Variants in TBX20 observed in about 807,000 individuals in gnomAD.
TBX20 encodes T-box transcription factor 20.
In TBX20, 8 loss-of-function variants were observed where a neutral mutation model predicts 42.9. The observed-to-expected ratio is 0.19, with a 90% CI of 0.11 to 0.34. TBX20 has a LOEUF of 0.34. Ranked by LOEUF, TBX20 falls within the 10% of genes least tolerant of loss-of-function variation. The pLI, the probability that TBX20 is intolerant of heterozygous loss-of-function variation, is 1.00. For synonymous variants in TBX20, 198 were observed against 222.8 expected, an observed-to-expected ratio of 0.89 and a Z score of 0.99; for missense variants, 411 against 566.0, an observed-to-expected ratio of 0.73 and a Z score of 2.78.
chr7:35,203,779 GA>G (rs1467584583), intron 7 of TBX20, among the ~76,000 whole-genome samples: 2 of 152,214 alleles, frequency 1.3e-5, no homozygotes, highest in Non-Finnish European at 2.9e-5. Context: ...TGAGTAATAA[GA>G]AATGTCCTAT....
intron 5 of TBX20, among the ~76,000 whole-genome samples, chr7:35,235,397 G>T (rs1337724425): frequency 4.0e-5 from 6 of 151,706 alleles, no homozygotes; most frequent in Admixed American, 6.6e-5. Context: ...GAGGATGCCT[G>T]CAGCTTGTAA....
At chr7:35,251,291 A>T (rs1473118921) in intron 1 of TBX20, among the ~76,000 whole-genome samples, 1 of 152,202 alleles carries the variant, frequency 6.6e-6, no homozygotes, top group Non-Finnish European at 1.5e-5. Flanking sequence ...CATGTACATG[A>T]TGTGTGTGGG....
chr7:35,212,928 T>C (rs2128710840), intron 6 of TBX20, among the ~76,000 whole-genome samples: 1 of 152,294 alleles, frequency 6.6e-6, no homozygotes, highest in South Asian at 2.1e-4. Flanking sequence ...TGAGTGCTTT[T>C]TCCATGCAGC....
intron 4 of TBX20, among the ~76,000 whole-genome samples, chr7:35,244,193 T>C (rs2128715121): frequency 6.6e-6 from 1 of 152,344 alleles, no homozygotes; most frequent in Admixed American, 6.5e-5. Flanking sequence ...TTTATGTGTA[T>C]CTTTATTTAA....
intron 6 of TBX20, among the ~76,000 whole-genome samples, chr7:35,214,008 G>A (rs1789541740): frequency 6.6e-6 from 1 of 151,736 alleles, no homozygotes; most frequent in Admixed American, 6.6e-5. Flanking sequence ...TGATAATAGT[G>A]CTATGGAAAA....
intron 7 of TBX20, among the ~76,000 whole-genome samples, chr7:35,203,973 C>T (rs1789351112): frequency 6.6e-6 from 1 of 152,244 alleles, no homozygotes; most frequent in African/African-American, 2.4e-5. Context: ...TCAGTTCCTG[C>T]TGTCAACACT....
rs483353007 is a variant in TBX20, at chr7:35,204,371, G to T, written c.1003+99C>A. 4 of 779,814 alleles carry T rather than the reference G, an allele frequency of 5.1e-6. No homozygotes were observed. In the East Asian group the frequency reaches 1.1e-4, roughly 21 times the overall value. 48.3% of individuals were successfully genotyped at this position (779,814 alleles called of 1,614,324 possible). The stretch of plus-strand genomic sequence containing the variant: ...GCTCCTGAAATCCTTTCCCGGCATC[G>T]TGTACTCTGAGGACTGGCCATCTCA... On this transcript the variant is annotated intron_variant, in intron 7 of 7. Coordinates refer to ENST00000408931, the MANE Select transcript of TBX20 (RefSeq NM_001077653.2).
chr7:35,212,644 G>T (rs1041491932), intron 6 of TBX20, among the ~76,000 whole-genome samples: 1 of 152,008 alleles, frequency 6.6e-6, no homozygotes, highest in African/African-American at 2.4e-5. Context: ...TTTAGTTGAG[G>T]GCTAATTCTT....
At chr7:35,212,597 T>C (rs893012549) in intron 6 of TBX20, among the ~76,000 whole-genome samples, 1 of 152,144 alleles carries the variant, frequency 6.6e-6, no homozygotes, top group African/African-American at 2.4e-5. Context: ...CTTTGGGAGT[T>C]TGCTTTCAAG....
At chr7:35,245,432 G>C (rs555364142) in intron 3 of TBX20, among the ~76,000 whole-genome samples, 1 of 151,116 alleles carries the variant, frequency 6.6e-6, no homozygotes, top group South Asian at 2.1e-4. Flanking sequence ...AGAAAAACTA[G>C]CTTACACTAA....
At chr7:35,229,411 A>G (rs1350487486) in intron 6 of TBX20, among the ~76,000 whole-genome samples, 1 of 152,168 alleles carries the variant, frequency 6.6e-6, no homozygotes, top group East Asian at 1.9e-4. Context: ...AAGGCTGTTT[A>G]TGAAAAATTC....
At chr7:35,225,244 C>G (rs1789749365) in intron 6 of TBX20, among the ~76,000 whole-genome samples, 1 of 152,084 alleles carries the variant, frequency 6.6e-6, no homozygotes, top group Non-Finnish European at 1.5e-5. Context: ...AAAAATCTCT[C>G]TAGTGTTTTC....
At position 35,240,985 on chromosome 7, in the gene TBX20, T is replaced by C; in HGVS notation, c.707A>G (p.Lys236Arg). ...GAGCAATGAGGCTGTGTGGTCTTTC[T>C]TCTTAATGATGTGCACCCTTGGCTG... ...KYQPRVHIIKKKDHTASLLNL... is the reference protein window; with the variant it reads ...KYQPRVHIIKRKDHTASLLNL... Residue 236 changes from lysine to arginine, a missense_variant, in exon 5 of 8, where the codon AAG becomes AGG. This residue lies in a region of TBX20 where 121 missense variants were observed against 165.9 expected (regional missense o/e 0.73). Coordinates refer to ENST00000408931, the MANE Select transcript of TBX20 (RefSeq NM_001077653.2). 6.2e-7 allele frequency: 1 copy of C among 1,613,860 alleles called. No individual in the cohort carries two copies. Among genetic ancestry groups the C allele is most frequent in the South Asian group, 1.1e-5 (1 of 91,072 alleles).
chr7:35,240,302 T>C (rs1410985885), intron 5 of TBX20, among the ~76,000 whole-genome samples: 2 of 152,210 alleles, frequency 1.3e-5, no homozygotes, highest in Non-Finnish European at 2.9e-5. Context: ...CATTCAGATT[T>C]TGGGTTTTTG....
Position 35,249,810 on chromosome 7 carries a change from G to A in TBX20, c.380+141C>T. 1.1e-6 allele frequency: 1 copy of A among 941,528 alleles called. No homozygotes were observed. The allele number at this position is 941,528 out of a possible 1,614,324, so 58.3% of individuals were successfully genotyped here. On this transcript the variant is annotated intron_variant, in intron 2 of 7. Coordinates refer to ENST00000408931, the MANE Select transcript of TBX20 (RefSeq NM_001077653.2). The surrounding 1 kb of genome is among the most constrained non-coding windows in gnomAD (Gnocchi z 4.3). ...CCTGTAGCTCCTAATGCAAGCTGGT[G>A]GAAAGCAGCTGCCCTGGAGCCAAGC...
chr7:35,211,964 A>T (rs1268642897), intron 6 of TBX20, among the ~76,000 whole-genome samples: 1 of 152,056 alleles, frequency 6.6e-6, no homozygotes, highest in Non-Finnish European at 1.5e-5. Flanking sequence ...TGTGTTTACA[A>T]TTGTCATTAA....
At chr7:35,212,966 G>C (rs1249504628) in intron 6 of TBX20, among the ~76,000 whole-genome samples, 1 of 152,090 alleles carries the variant, frequency 6.6e-6, no homozygotes, top group East Asian at 1.9e-4. Context: ...TCTGTCCTAT[G>C]AATTCTCACT....
chr7:35,247,472 G>A (rs769571549), intron 3 of TBX20, among the ~76,000 whole-genome samples: 1 of 151,778 alleles, frequency 6.6e-6, no homozygotes, highest in Admixed American at 6.6e-5. Context: ...GGTCTCTTCC[G>A]AGAATGGAAA....
chr7:35,231,239 T>C (rs887413204), intron 6 of TBX20, among the ~76,000 whole-genome samples: 4 of 152,196 alleles, frequency 2.6e-5, no homozygotes, highest in Non-Finnish European at 5.9e-5. Context: ...AAGTCTTTAA[T>C]AACAACAAAG....
Sources: gnomAD v4.1 joint callset for allele counts (sites outside exome capture counted in the v4.1 genomes callset) on GRCh38, gnomAD v4.1.1 for gene constraint, gnomAD v4.1.1 regional missense constraint, Gnocchi (gnomAD v3.1) non-coding constraint, MANE v1.5 for transcripts, NCBI Gene and HGNC (gene_info 2026-07-23, HGNC 2026-07-21) for gene names.